The following MAGI2 variants were observed in gnomAD, a reference collection of about 807,000 sequenced individuals.
MAGI2 encodes membrane associated guanylate kinase, WW and PDZ domain containing 2.
Under a neutral mutation model 133.3 loss-of-function variants are expected in MAGI2, and 35 were observed. That is an observed-to-expected ratio of 0.26 (90% CI 0.20 to 0.35). The LOEUF (loss-of-function observed/expected upper bound fraction) is 0.35. Ranked by LOEUF, MAGI2 falls within the 10% of genes least tolerant of loss-of-function variation. MAGI2 has a pLI of 1.00. For missense variants in MAGI2, 1,636 were observed against 1,863.4 expected (o/e 0.88, Z 2.25); for synonymous variants, 729 against 710.6 (o/e 1.03, Z -0.41).
chr7:78,397,316 A>G (rs2191327), intron 6 of MAGI2, among the ~76,000 whole-genome samples: 81,094 of 151,534 alleles, frequency 0.54, 22,735 homozygotes, highest in Middle Eastern at 0.64. Context: ...AGGTGGCCAG[A>G]CCAAAGTAGT....
intron 1 of MAGI2, among the ~76,000 whole-genome samples, chr7:79,166,728 T>A (rs903769065): frequency 1.3e-5 from 2 of 152,124 alleles, no homozygotes; most frequent in African/African-American, 4.8e-5. Flanking sequence ...TAATTCAGTT[T>A]AAATTTCTCA....
intron 2 of MAGI2, among the ~76,000 whole-genome samples, chr7:78,792,404 G>A (rs1787238189): frequency 6.6e-6 from 1 of 152,060 alleles, no homozygotes; most frequent in African/African-American, 2.4e-5. Flanking sequence ...CTTTTTATTA[G>A]CAAGTGAGCT....
intron 2 of MAGI2, among the ~76,000 whole-genome samples, chr7:78,708,211 G>A (rs763043639): frequency 2.0e-5 from 3 of 152,020 alleles, no homozygotes; most frequent in Non-Finnish European, 1.5e-5. Context: ...TTCTTCATTC[G>A]AATGCATTCA....
At chr7:78,546,680 CT>C (rs1798872684) in intron 3 of MAGI2, among the ~76,000 whole-genome samples, 1 of 2,760 alleles carries the variant, frequency 3.6e-4, no homozygotes, top group Non-Finnish European at 7.9e-4. Context: ...ATCCTCATCT[CT>C]CTCTCTCTCT....
rs544479085 is a variant in MAGI2, at chr7:78,741,603, T to C, written c.419-114364A>G. 3.3e-5 allele frequency among the ~76,000 whole-genome samples: 5 copies of C among 152,210 alleles called. No individual in the cohort carries two copies. In the East Asian group the frequency reaches 9.7e-4, roughly 29 times the overall value. On this transcript the variant is annotated intron_variant, in intron 2 of 21. Coordinates refer to ENST00000354212, the MANE Select transcript of MAGI2 (RefSeq NM_012301.4). The stretch of plus-strand genomic sequence containing the variant: ...TACTCATTTCACTGTTAATAATAAA[T>C]AGTACAGTACCTTGTTCAGCAGTGA...
intron 2 of MAGI2, among the ~76,000 whole-genome samples, chr7:78,782,164 T>A (rs112137901): frequency 2.4e-3 from 364 of 152,274 alleles, no homozygotes; most frequent in African/African-American, 8.5e-3. Context: ...CAGGAGAACG[T>A]CGGCAATTAA....
At position 78,992,678 on chromosome 7, in the gene MAGI2, A is replaced by G. The variant is rs906294032; in HGVS notation, c.418+14412T>C. 5.3e-5 allele frequency among the ~76,000 whole-genome samples: 8 copies of G among 152,016 alleles called. No individual in the cohort carries two copies. In the East Asian group the frequency reaches 1.4e-3, roughly 26 times the overall value. On this transcript the variant is annotated intron_variant, in intron 2 of 21. Coordinates refer to ENST00000354212, the MANE Select transcript of MAGI2 (RefSeq NM_012301.4). ...TATAGGCTTAAATACAAGTTTTCCA[A>G]CTTGCTTGTAGTCATATTTTATTTG...
intron 6 of MAGI2, among the ~76,000 whole-genome samples, chr7:78,473,576 A>C (rs1431667034): frequency 6.6e-6 from 1 of 152,012 alleles, no homozygotes; most frequent in African/African-American, 2.4e-5. Flanking sequence ...CAGCCCTGTA[A>C]AACTCAGTGC....
At chr7:78,489,105 C>A (rs1793348908) in intron 6 of MAGI2, among the ~76,000 whole-genome samples, 1 of 151,974 alleles carries the variant, frequency 6.6e-6, no homozygotes, top group African/African-American at 2.4e-5. Flanking sequence ...TTAAGAGTAT[C>A]ATCAGTAACA....
intron 2 of MAGI2, among the ~76,000 whole-genome samples, chr7:78,982,192 A>G (rs1804853864): frequency 6.6e-6 from 1 of 151,916 alleles, no homozygotes; most frequent in Admixed American, 6.6e-5. Context: ...AGAGGTTTTA[A>G]AACATTCTTT....
chr7:79,178,873 G>A (rs904054242), intron 1 of MAGI2, among the ~76,000 whole-genome samples: 1 of 151,896 alleles, frequency 6.6e-6, no homozygotes, highest in Non-Finnish European at 1.5e-5. Context: ...CATAAGTTCT[G>A]CTCAACACAA....
chr7:79,391,947 G>A (rs776506356), intron 1 of MAGI2, among the ~76,000 whole-genome samples: 5 of 151,994 alleles, frequency 3.3e-5, no homozygotes, highest in East Asian at 1.9e-4. Context: ...GCCTCCTAAC[G>A]TCATCTAGGT....
chr7:78,315,718 T>A (rs1787344597), intron 9 of MAGI2, among the ~76,000 whole-genome samples: 2 of 152,204 alleles, frequency 1.3e-5, no homozygotes, highest in African/African-American at 4.8e-5. Flanking sequence ...TAAAACATTA[T>A]CTTCAAAATT....
intron 2 of MAGI2, among the ~76,000 whole-genome samples, chr7:78,844,884 A>G (rs1792458900): frequency 6.6e-6 from 1 of 151,962 alleles, no homozygotes; most frequent in African/African-American, 2.4e-5. Flanking sequence ...TGAGGTGGCT[A>G]TGCTGAAAGA....
At chr7:78,952,288 A>T (rs1801933523) in intron 2 of MAGI2, among the ~76,000 whole-genome samples, 1 of 152,126 alleles carries the variant, frequency 6.6e-6, no homozygotes, top group African/African-American at 2.4e-5. Context: ...AGTGACTCTG[A>T]TATGGGTGGT....
chr7:78,126,654 G>C (rs1821011660), intron 19 of MAGI2, among the ~76,000 whole-genome samples: 1 of 152,250 alleles, frequency 6.6e-6, no homozygotes, highest in Admixed American at 6.5e-5. Context: ...CATAACAACA[G>C]TGACACTGGT....
intron 2 of MAGI2, among the ~76,000 whole-genome samples, chr7:78,747,335 C>T (rs1823015580): frequency 6.6e-6 from 1 of 151,914 alleles, no homozygotes; most frequent in Non-Finnish European, 1.5e-5. Context: ...TTATCTAAAC[C>T]AGTGGAAAGA....
At chr7:78,670,369 G>C (rs1371223576) in intron 2 of MAGI2, among the ~76,000 whole-genome samples, 1 of 152,186 alleles carries the variant, frequency 6.6e-6, no homozygotes, top group Non-Finnish European at 1.5e-5. Context: ...TACAAGGGAT[G>C]TGAAGGACCT....
intron 1 of MAGI2, among the ~76,000 whole-genome samples, chr7:79,135,816 C>T (rs989181421): frequency 2.0e-5 from 3 of 151,534 alleles, no homozygotes; most frequent in Admixed American, 2.0e-4. Context: ...TGGCATACTC[C>T]TGTAGTCCCA....
Sources: allele counts gnomAD v4.1 joint callset (sites outside exome capture counted in the v4.1 genomes callset), GRCh38; gene constraint gnomAD v4.1.1; transcripts MANE v1.5; gene names NCBI Gene and HGNC (gene_info 2026-07-23, HGNC 2026-07-21).